The following LARP1B variants were observed in gnomAD, a reference collection of about 807,000 sequenced individuals.
LARP1B encodes the protein la-related protein 1B.
LARP1B carries 76 observed loss-of-function variants against 114.2 expected under a neutral mutation model. The ratio of observed to expected loss-of-function variants is 0.67; its 90% CI spans 0.55 to 0.81. The LOEUF is 0.81. Ranked by LOEUF, LARP1B falls within the 30% of genes least tolerant of loss-of-function variation. LARP1B has a pLI of 0.00. For missense variants in LARP1B, 1,014 were observed against 1,075.8 expected, an observed-to-expected ratio of 0.94 and a Z score of 0.80; for synonymous variants, 345 against 348.0, an observed-to-expected ratio of 0.99 and a Z score of 0.10.
intron 15 of LARP1B, among the ~76,000 whole-genome samples, chr4:128,193,008 A>G (rs1438762024): frequency 1.3e-5 from 2 of 151,984 alleles, no homozygotes; most frequent in African/African-American, 4.8e-5. Context: ...TTTTTAAAAA[A>G]ATTTTTGTTG....
rs774936565 is a variant in LARP1B at position 128,098,201 on chromosome 4, T to A, written c.684T>A (p.Ser228Arg). ...CTCTTTTCAGTGAATATTACTTCAGTGTAGAAAATTTGGAACGAGACTTCT... is the reference window on the plus strand; with the variant it reads ...CTCTTTTCAGTGAATATTACTTCAGAGTAGAAAATTTGGAACGAGACTTCT... Reference protein sequence around the residue: ...YIKRQIEYYFSVENLERDFFL... With the variant: ...YIKRQIEYYFRVENLERDFFL... The change falls in exon 8 of 20, where the codon AGT becomes AGA. Residue 228 changes from serine to arginine, a missense_variant. Physicochemically the swap from Ser to Arg is moderately radical, Grantham distance 110. Transcript: ENST00000326639. The A allele has an allele frequency of 8.1e-6, 13 of 1,609,662 alleles. No individual in the cohort carries two copies. In the South Asian group the frequency reaches 1.4e-4, roughly 18 times the overall value.
At chr4:128,145,215 C>T (rs1331469244) in intron 11 of LARP1B, among the ~76,000 whole-genome samples, 1 of 152,136 alleles carries the variant, frequency 6.6e-6, no homozygotes, top group African/African-American at 2.4e-5. Flanking sequence ...TGTGTCTCCT[C>T]TAGATCTTAT....
In LARP1B at chr4:128,211,165, TTAGAATA is replaced by T; in HGVS notation, c.*1116_*1122del. ...TGAATTGATTTTTAATTATTTTTAT[TTAGAATA>T]TAGTTGAAAAGCTGTAATATTCAGT... On this transcript the variant is annotated 3_prime_UTR_variant, in exon 20 of 20. Transcript: ENST00000326639. 1 of 915,162 alleles carries T rather than the reference TTAGAATA, an allele frequency of 1.1e-6. No individual in the cohort carries two copies. The highest frequency in any genetic ancestry group is 5.1e-5 in the South Asian group (1 of 19,714). The allele number at this position is 915,162 out of a possible 1,614,324, so 56.7% of individuals were successfully genotyped here. A position where few individuals can be genotyped will look rare whatever the true frequency, so the allele number is the denominator to read the frequency against.
intron 9 of LARP1B, among the ~76,000 whole-genome samples, chr4:128,111,154 C>A (rs1783969484): frequency 6.6e-6 from 1 of 151,544 alleles, no homozygotes; most frequent in African/African-American, 2.4e-5. Context: ...TCAAGCAATT[C>A]TCCTGCCTCA....
chr4:128,191,574 TG>T (rs1313917460), intron 15 of LARP1B, among the ~76,000 whole-genome samples: 1 of 152,108 alleles, frequency 6.6e-6, no homozygotes. Context: ...TTACCCCAAC[TG>T]TGTGGTAAGG....
At position 128,073,090 on chromosome 4, in the gene LARP1B, A is replaced by G. The variant is rs115696825; in HGVS notation, c.-77-1370A>G. Among the ~76,000 whole-genome samples, 1,414 of 152,254 alleles carry G rather than the reference A, an allele frequency of 9.3e-3. 22 individuals carry two copies. The highest frequency in any genetic ancestry group is 0.031 in the African/African-American group (1,290 of 41,556). On this transcript the variant is annotated intron_variant, in intron 1 of 19. Coordinates refer to ENST00000326639, the MANE Select transcript of LARP1B (RefSeq NM_018078.4). ...GGAATTCTTTTATTAAAAGTTATAT[A>G]CATTTTAGATGACAGATTACCCTTG... is the stretch of plus-strand genomic sequence containing the variant.
At chr4:128,176,736 C>T in intron 12 of LARP1B, 136 bp from the exon 13 acceptor site, 1 of 746,416 alleles carries the variant, frequency 1.3e-6, no homozygotes, top group South Asian at 1.8e-5. Flanking sequence ...TAGTTGCTTT[C>T]TGGGAAGCAA....
chr4:128,159,389 A>C (rs1002044956), intron 11 of LARP1B, among the ~76,000 whole-genome samples: 2 of 151,794 alleles, frequency 1.3e-5, no homozygotes, highest in Non-Finnish European at 2.9e-5. Flanking sequence ...CACCTGCCTC[A>C]CCTCCACTAT....
intron 11 of LARP1B, among the ~76,000 whole-genome samples, chr4:128,129,680 A>C (rs1790937129): frequency 6.6e-6 from 1 of 152,220 alleles, no homozygotes; most frequent in Admixed American, 6.5e-5. Context: ...AAGAATAGAC[A>C]ACTAAATCAA....
intron 12 of LARP1B, among the ~76,000 whole-genome samples, chr4:128,163,535 G>A (rs1327800003): frequency 6.6e-6 from 1 of 152,034 alleles, no homozygotes; most frequent in African/African-American, 2.4e-5. Flanking sequence ...ACCTTAATAG[G>A]TAGAATACTT....
chr4:128,174,454 A>G (rs776877458), intron 12 of LARP1B, among the ~76,000 whole-genome samples: 20 of 152,100 alleles, frequency 1.3e-4, no homozygotes, highest in Admixed American at 8.5e-4. Context: ...GTCTATAAAC[A>G]TTTTGTAAAA....
chr4:128,081,309 C>A (rs1193379829), intron 4 of LARP1B, among the ~76,000 whole-genome samples: 1 of 150,752 alleles, frequency 6.6e-6, no homozygotes, highest in African/African-American at 2.4e-5. Flanking sequence ...GAACTCCTGA[C>A]CTTAGGTTAT....
chr4:128,138,540 T>C (rs1171311624), intron 11 of LARP1B, among the ~76,000 whole-genome samples: 1 of 152,166 alleles, frequency 6.6e-6, no homozygotes, highest in Non-Finnish European at 1.5e-5. Context: ...AGTCAAATAT[T>C]TGTGGAAAGG....
intron 7 of LARP1B, among the ~76,000 whole-genome samples, chr4:128,097,872 A>AT (rs1451066304): frequency 2.0e-5 from 3 of 152,192 alleles, no homozygotes; most frequent in African/African-American, 7.2e-5. Context: ...TAATTAACTC[A>AT]TTAAAAAAAA....
At chr4:128,214,272 CG>C (rs1218980329), downstream of LARP1B, among the ~76,000 whole-genome samples, 128 of 148,096 alleles carry the variant, frequency 8.6e-4, no homozygotes, top group Non-Finnish European at 1.2e-3. Context: ...ACAAAGCAGC[CG>C]GGAAGCTCGA....
intron 12 of LARP1B, among the ~76,000 whole-genome samples, chr4:128,176,643 T>A (rs1005686950): frequency 2.0e-5 from 3 of 152,146 alleles, no homozygotes; most frequent in African/African-American, 7.2e-5. Context: ...CACAATTCAA[T>A]TAAGTTTAGC....
intron 1 of LARP1B, chr4:128,061,985 G>C: frequency 1.0e-6 from 1 of 985,180 alleles, no homozygotes. Flanking sequence ...TGGGCCCGGG[G>C]GCCCTTTCGG....
chr4:128,126,163 C>T (rs1437265319), intron 11 of LARP1B, among the ~76,000 whole-genome samples: 1 of 150,056 alleles, frequency 6.7e-6, no homozygotes, highest in Admixed American at 6.6e-5. Context: ...TCTCCGTCAC[C>T]CAGGCTGGAG....
chr4:128,118,372 C>T (rs1478211772), intron 10 of LARP1B, among the ~76,000 whole-genome samples: 3 of 151,440 alleles, frequency 2.0e-5, no homozygotes, highest in Admixed American at 1.3e-4. Context: ...GCTGGGACTA[C>T]AGGCGCTTGC....
Sources: allele counts gnomAD v4.1 joint callset (sites outside exome capture counted in the v4.1 genomes callset), GRCh38; gene constraint gnomAD v4.1.1; transcripts MANE v1.5; gene names NCBI Gene and HGNC (gene_info 2026-07-23, HGNC 2026-07-21).